The following CASKIN2 variants were observed in gnomAD, a reference collection of about 807,000 sequenced individuals.
CASKIN2 encodes the protein caskin-2.
In CASKIN2, 41 loss-of-function variants were observed where a neutral mutation model predicts 107.1. The observed-to-expected ratio is 0.38, with a 90% confidence interval of 0.30 to 0.50. The LOEUF (loss-of-function observed/expected upper bound fraction) is 0.50, where lower values mean the gene tolerates loss of function less well. Among genes scored for constraint, CASKIN2 ranks in the 20% least tolerant of loss-of-function variants. The probability of loss-of-function intolerance (pLI) is 0.92; values close to 1 mark genes in which losing one functional copy is unlikely to be tolerated. For synonymous variants in CASKIN2, 724 were observed against 705.6 expected, an observed-to-expected ratio of 1.03 and a Z score of -0.41; for missense variants, 1,546 against 1,657.4, an observed-to-expected ratio of 0.93 and a Z score of 1.17.
At position 75,502,164 on chromosome 17, in the gene CASKIN2, C is replaced by T. The variant is rs200099756; in HGVS notation, c.2910G>A (p.Pro970=). The T allele has an allele frequency of 1.3e-4, 202 of 1,600,036 alleles. 1 individual carries two copies. In the East Asian group the frequency reaches 2.4e-3, roughly 19 times the overall value. The change falls in exon 18 of 20, where the codon CCG becomes CCA. Residue 970 remains proline (P), a synonymous_variant. Coordinates refer to ENST00000321617, the MANE Select transcript of CASKIN2 (RefSeq NM_020753.5). This position sits in a 1 kb window ranked among gnomAD's most constrained non-coding sequence, Gnocchi z 4.3. ...IKQRPKPAGP[P]PRETPVPPGL... is the part of the protein sequence containing the mutation. Reference sequence around the variant, plus strand: ...CGGGGGGCACGGGTGTCTCTCGGGGCGGGGGGCCAGCGGGCTTCGGGCGCT... The same window carrying T: ...CGGGGGGCACGGGTGTCTCTCGGGGTGGGGGGCCAGCGGGCTTCGGGCGCT...
chr17:75,512,429 G>A (rs2053322494), intron 2 of CASKIN2, among the ~76,000 whole-genome samples: 1 of 152,150 alleles, frequency 6.6e-6, no homozygotes, highest in African/African-American at 2.4e-5. Flanking sequence ...AAGACATGGG[G>A]CTCAGGTGTG....
In CASKIN2 at chr17:75,506,028, G is replaced by T; in HGVS notation, c.727-99C>A. Reference sequence around the variant, plus strand: ...GACATAGGTACTATTACCATTTTCCGATTTTACAGATGAGGACATAGAGGC... The same window carrying T: ...GACATAGGTACTATTACCATTTTCCTATTTTACAGATGAGGACATAGAGGC... On this transcript the variant is annotated intron_variant, in intron 8 of 19. Transcript: ENST00000321617. This position sits in a 1 kb window ranked among gnomAD's most constrained non-coding sequence, Gnocchi z 4.8. 1 of 1,082,450 alleles carries T rather than the reference G, an allele frequency of 9.2e-7. No homozygotes were observed. Among genetic ancestry groups the T allele is most frequent in the Non-Finnish European group, 1.3e-6 (1 of 745,842 alleles). The allele number at this position is 1,082,450 out of a possible 1,614,324, so 67.1% of individuals were successfully genotyped here. A position where few individuals can be genotyped will look rare whatever the true frequency, so the allele number is the denominator to read the frequency against.
intron 19 of CASKIN2, 44 bp from the exon 20 acceptor site, chr17:75,501,214 C>T (rs1240034254): frequency 1.3e-6 from 2 of 1,513,120 alleles, no homozygotes; most frequent in Admixed American, 2.0e-5. Context: ...CAGTGGCCTG[C>T]ACCCCACTGG....
Position 75,503,431 on chromosome 17 carries a change from G to A in CASKIN2, c.1777C>T (p.Leu593Phe). ...GYDSMGLVAD[L>F]TWEELQEIGV... is the part of the protein sequence containing the mutation. Reference sequence around the variant, plus strand: ...ATCTCCTGCAGCTCCTCCCAGGTGAGGTCGGCCACCAGCCCCATGGAGTCG... The same window carrying A: ...ATCTCCTGCAGCTCCTCCCAGGTGAAGTCGGCCACCAGCCCCATGGAGTCG... Residue 593 changes from leucine (L) to phenylalanine (F), a missense_variant, in exon 17 of 20, where the codon CTC becomes TTC. Coordinates refer to ENST00000321617, the MANE Select transcript of CASKIN2 (RefSeq NM_020753.5). 6.2e-7 allele frequency: 1 copy of A among 1,612,926 alleles called. No individual in the cohort carries two copies. Among genetic ancestry groups the A allele is most frequent in the Non-Finnish European group, 8.5e-7 (1 of 1,179,930 alleles).
rs1035248628 is a variant in CASKIN2, at chr17:75,503,380, A to G, written c.1819+9T>C. The stretch of plus-strand genomic sequence containing the variant: ...TGGGGGCCCAGCCAGGCCTCAGGAC[A>G]GTCCTTACCGAGCTTGTTGACCCCA... On this transcript the variant is annotated intron_variant, in intron 17 of 19. Transcript: ENST00000321617. The G allele has an allele frequency of 1.1e-5, 17 of 1,610,712 alleles. No individual in the cohort carries two copies. Among genetic ancestry groups the G allele is most frequent in the Non-Finnish European group, 1.4e-5 (16 of 1,178,552 alleles).
intron 2 of CASKIN2, chr17:75,509,869 TC>T: frequency 1.0e-6 from 1 of 985,530 alleles, no homozygotes; most frequent in Non-Finnish European, 1.2e-6. Context: ...ATGCAGTCCC[TC>T]CCGAGAGGAG....
rs149084568 is a variant in CASKIN2 at position 75,501,591 on chromosome 17, C to T, written c.3395G>A (p.Arg1132Gln). 23 of 1,607,660 alleles carry T rather than the reference C, an allele frequency of 1.4e-5. No individual in the cohort carries two copies. The highest frequency in any genetic ancestry group is 6.7e-5 in the African/African-American group (5 of 74,940). The change falls in exon 19 of 20, where the codon CGG becomes CAG. Residue 1132 changes from arginine to glutamine, a missense_variant. Arg to Gln is a conservative substitution (Grantham distance 43, BLOSUM62 1). Around this residue, in one of 6 missense-constraint regions of CASKIN2, gnomAD observed 1,311 missense variants for 1,311.0 expected, o/e 1.00. Transcript: ENST00000321617. The stretch of plus-strand genomic sequence containing the variant: ...GCCCACAGTCCCAGTGCTCTCAGGC[C>T]GTGGAGGAGGCACTGGGCGGGGGCC... ...RLGPRPVPPP[R>Q]PESTGTVGPG...
rs781300744 is a variant in CASKIN2 at position 75,502,897 on chromosome 17, G to C, written c.2177C>G (p.Pro726Arg). ...APQPSGGDPS[P>R]PQERNLPEGT... is the part of the protein sequence containing the mutation. ...CTCTGGGAGGTTCCTCTCCTGGGGG[G>C]GGCTGGGATCTCCACCGCTGGGCTG... Residue 726 changes from proline to arginine, a missense_variant, in exon 18 of 20, where the codon CCC becomes CGC. This residue lies in a region of CASKIN2 where 1,311 missense variants were observed against 1,311.0 expected (regional missense o/e 1.00). Coordinates refer to ENST00000321617, the MANE Select transcript of CASKIN2 (RefSeq NM_020753.5). This position sits in a 1 kb window ranked among gnomAD's most constrained non-coding sequence, Gnocchi z 4.3. 1.9e-6 allele frequency: 3 copies of C among 1,546,506 alleles called. No individual in the cohort carries two copies. The highest frequency in any genetic ancestry group is 2.6e-6 in the Non-Finnish European group (3 of 1,145,794).
At position 75,502,376 on chromosome 17, in the gene CASKIN2, T is replaced by C. The variant is rs963508673; in HGVS notation, c.2698A>G (p.Thr900Ala). ...CTCAGTGTTCGCCTTCGGGGCCCTG[T>C]GGCCCCTTCCTTGGGCCCTGGGCTC... Reference protein sequence around the residue: ...DESPGPKEGATGPRRRTLSEP... With the variant: ...DESPGPKEGAAGPRRRTLSEP... The change falls in exon 18 of 20, where the codon ACA (threonine) becomes GCA (alanine). Residue 900 changes from threonine (T) to alanine (A), a missense_variant. Transcript: ENST00000321617. This position sits in a 1 kb window ranked among gnomAD's most constrained non-coding sequence, Gnocchi z 4.3. 16 of 1,403,224 alleles carry C rather than the reference T, an allele frequency of 1.1e-5. No homozygotes were observed. Among genetic ancestry groups the C allele is most frequent in the Non-Finnish European group, 1.5e-5 (16 of 1,071,204 alleles). 86.9% of individuals were successfully genotyped at this position (1,403,224 alleles called of 1,614,324 possible).
chr17:75,502,305 A>G lies in CASKIN2; in HGVS notation c.2769T>C (p.Ala923=). ...CCTCCTCCGTGTCTGACGCGGGCCC[A>G]GCCGGGGCAGGTGGGCCAGGGGGCT... ...PSEPPGPPAP[A]GPASDTEEEE... The change falls in exon 18 of 20, where the codon GCT becomes GCC. Residue 923 remains alanine, a synonymous_variant. Coordinates refer to ENST00000321617, the MANE Select transcript of CASKIN2 (RefSeq NM_020753.5). This position sits in a 1 kb window ranked among gnomAD's most constrained non-coding sequence, Gnocchi z 4.3. 6.7e-7 allele frequency: 1 copy of G among 1,492,708 alleles called. No individual in the cohort carries two copies. The highest frequency in any genetic ancestry group is 8.9e-7 in the Non-Finnish European group (1 of 1,124,572). 92.5% of individuals were successfully genotyped at this position (1,492,708 alleles called of 1,614,324 possible).
chr17:75,501,336 T>G, intron 19 of CASKIN2, 132 bp downstream of exon 19: 1 of 1,246,968 alleles, frequency 8.0e-7, no homozygotes. Flanking sequence ...CTAGGTGATT[T>G]CAACACCTGG....
At position 75,504,916 on chromosome 17, in the gene CASKIN2, A is replaced by C. The variant is rs760588063; in HGVS notation, c.1088T>G (p.Leu363Arg). Residue 363 changes from leucine (L) to arginine (R), a missense_variant, in exon 11 of 20, where the codon CTG becomes CGG. Leu to Arg is a moderately radical substitution (Grantham distance 102, BLOSUM62 -2). Coordinates refer to ENST00000321617, the MANE Select transcript of CASKIN2 (RefSeq NM_020753.5). The part of the protein sequence containing the change: ...AARLPSAPTP[L>R]RPGFSRTPQP... ...CGGTGTCCGGGAGAAGCCTGGGCGC[A>C]GGGGGGTGGGTGCGGAGGGGAGGCG... The C allele has an allele frequency of 4.9e-5, 40 of 809,032 alleles. No homozygotes were observed. Among genetic ancestry groups the C allele is most frequent in the Non-Finnish European group, 7.1e-5 (38 of 538,264 alleles). The allele number at this position is 809,032 out of a possible 1,614,324, so 50.1% of individuals were successfully genotyped here. A position where few individuals can be genotyped will look rare whatever the true frequency, so the allele number is the denominator to read the frequency against.
At chr17:75,507,519 T>C in intron 4 of CASKIN2, 65 bp downstream of exon 4, 2 of 1,188,598 alleles carry the variant, frequency 1.7e-6, no homozygotes, top group Non-Finnish European at 2.5e-6. Context: ...CAAGCTCTGG[T>C]CCCAGGGTCT....
intron 2 of CASKIN2, chr17:75,509,699 T>C (rs965766317): frequency 1.1e-4 from 113 of 984,334 alleles, no homozygotes; most frequent in Non-Finnish European, 1.3e-4. Context: ...TCACTCTGGC[T>C]GTGTGACCCT....
chr17:75,512,417 C>T (rs1004733927), intron 2 of CASKIN2, among the ~76,000 whole-genome samples: 5 of 152,122 alleles, frequency 3.3e-5, no homozygotes, highest in Non-Finnish European at 7.4e-5. Flanking sequence ...ACAGAGGTAC[C>T]CAAGACATGG....
rs1009923183 is a variant in CASKIN2 at position 75,504,018 on chromosome 17, C to A, written c.1468-56G>T. The A allele has an allele frequency of 4.0e-6, 6 of 1,505,988 alleles. No homozygotes were observed. The Admixed American group carries it at 5.6e-5, about 14-fold the overall frequency. The allele number at this position is 1,505,988 out of a possible 1,614,324, so 93.3% of individuals were successfully genotyped here. A position where few individuals can be genotyped will look rare whatever the true frequency, so the allele number is the denominator to read the frequency against. The stretch of plus-strand genomic sequence containing the variant: ...CAGGAGCTGGACCAAGGCCCTAGCC[C>A]CCACCAGGGGCTCAGGACCTGCCTG... On this transcript the variant is annotated intron_variant, in intron 14 of 19. Coordinates refer to ENST00000321617, the MANE Select transcript of CASKIN2 (RefSeq NM_020753.5).
intron 1 of CASKIN2, among the ~76,000 whole-genome samples, chr17:75,514,769 C>T (rs1276638778): frequency 6.6e-6 from 1 of 152,210 alleles, no homozygotes; most frequent in Admixed American, 6.5e-5. Context: ...GGGGGCTCTG[C>T]CTGCTAGAGA....
In CASKIN2 at chr17:75,503,897, C is replaced by T; in HGVS notation, c.1533G>A (p.Leu511=). The T allele has an allele frequency of 1.9e-6, 3 of 1,612,868 alleles. No homozygotes were observed. The highest frequency in any genetic ancestry group is 2.5e-6 in the Non-Finnish European group (3 of 1,179,940). The change falls in exon 15 of 20, where the codon CTG becomes CTA. Residue 511 remains leucine, a synonymous_variant. Transcript: ENST00000321617. Reference sequence around the variant, plus strand: ...TGGTAGGCACATCATAGCCGGCCTGCAGAAAGTGGGCAGTGTAGCCCTCCA... The same window carrying T: ...TGGTAGGCACATCATAGCCGGCCTGTAGAAAGTGGGCAGTGTAGCCCTCCA... ...FQLEGYTAHF[L]QAGYDVPTIS... is the part of the protein sequence containing the mutation.
Position 75,505,171 on chromosome 17 carries a change from C to A in CASKIN2, c.931-98G>T. The stretch of plus-strand genomic sequence containing the variant: ...CTGCGGTCCGGCAACCCTGGTCCAG[C>A]TCTTTCCCTACCCCTAAGGAGCTGG... On this transcript the variant is annotated intron_variant, in intron 10 of 19. Coordinates refer to ENST00000321617, the MANE Select transcript of CASKIN2 (RefSeq NM_020753.5). The surrounding 1 kb of genome is among the most constrained non-coding windows in gnomAD (Gnocchi z 5.1). The A allele has an allele frequency of 1.5e-6, 2 of 1,341,250 alleles. No individual in the cohort carries two copies. Among genetic ancestry groups the A allele is most frequent in the Non-Finnish European group, 2.1e-6 (2 of 958,186 alleles). 83.1% of individuals were successfully genotyped at this position (1,341,250 alleles called of 1,614,324 possible).
Sources: allele counts gnomAD v4.1 joint callset (sites outside exome capture counted in the v4.1 genomes callset), GRCh38; gene constraint gnomAD v4.1.1; regional missense constraint gnomAD v4.1.1; non-coding constraint Gnocchi (gnomAD v3.1); transcripts MANE v1.5; gene names NCBI Gene and HGNC (gene_info 2026-07-23, HGNC 2026-07-21).